The following CPED1 variants were observed in gnomAD, a reference collection of about 807,000 sequenced individuals.
CPED1 encodes cadherin-like and PC-esterase domain-containing protein 1.
CPED1 carries 114 observed loss-of-function variants against 128.2 expected under a neutral mutation model. That is an observed-to-expected ratio of 0.89 (90% CI 0.76 to 1.04). CPED1 has a LOEUF of 1.04. Among genes scored for constraint, CPED1 ranks in the 50% least tolerant of loss-of-function variants. The pLI is 0.00. For synonymous variants in CPED1, 462 were observed against 426.7 expected (o/e 1.08, Z -1.02); for missense variants, 1,211 against 1,207.1 (o/e 1.00, Z -0.05).
At chr7:121,150,193 C>A (rs922791782) in intron 16 of CPED1, among the ~76,000 whole-genome samples, 1 of 150,976 alleles carries the variant, frequency 6.6e-6, no homozygotes, top group Non-Finnish European at 1.5e-5. Flanking sequence ...AGTTTTTCAA[C>A]CCTTGCCTCC....
intron 16 of CPED1, among the ~76,000 whole-genome samples, chr7:121,201,662 G>A (rs934257769): frequency 6.6e-6 from 1 of 152,054 alleles, no homozygotes; most frequent in African/African-American, 2.4e-5. Flanking sequence ...TACCTGGTAA[G>A]CCCTCTAGGA....
intron 16 of CPED1, among the ~76,000 whole-genome samples, chr7:121,223,845 CTCTTT>C (rs779327902): frequency 2.5e-4 from 38 of 151,222 alleles, no homozygotes; most frequent in Non-Finnish European, 4.4e-4. Flanking sequence ...TGATTCTTCT[CTCTTT>C]TCTTTTTTAT....
At chr7:121,205,524 T>C (rs925091033) in intron 16 of CPED1, among the ~76,000 whole-genome samples, 8 of 152,024 alleles carry the variant, frequency 5.3e-5, no homozygotes, top group African/African-American at 1.9e-4. Context: ...TTTTGTTGTT[T>C]TTACTTATTT....
At chr7:121,099,789 T>C in intron 6 of CPED1, 137 bp from the exon 7 acceptor site, 2 of 812,846 alleles carry the variant, frequency 2.5e-6, no homozygotes, top group Non-Finnish European at 3.7e-6. Flanking sequence ...CAACTGAAAT[T>C]GTTCAAGGAA....
At chr7:121,141,916 G>A (rs989162311) in intron 15 of CPED1, 57 bp from the exon 16 acceptor site, 25 of 1,396,340 alleles carry the variant, frequency 1.8e-5, no homozygotes, top group Non-Finnish European at 2.3e-5. Context: ...GAATCAGTTT[G>A]GGCTGAATAA....
intron 2 of CPED1, among the ~76,000 whole-genome samples, chr7:120,994,625 C>CTG (rs35288728): frequency 0.015 from 2,239 of 144,640 alleles, 28 homozygotes; most frequent in Admixed American, 0.03. Context: ...ATTTGTTATA[C>CTG]TGTGTGTGTG....
At chr7:121,191,893 T>C (rs1002855882) in intron 16 of CPED1, among the ~76,000 whole-genome samples, 2 of 152,128 alleles carry the variant, frequency 1.3e-5, no homozygotes, top group Admixed American at 1.3e-4. Flanking sequence ...AATATTTCAT[T>C]TTAATCAAAG....
chr7:121,248,650 T>C (rs1314972695), intron 18 of CPED1, among the ~76,000 whole-genome samples: 1 of 148,348 alleles, frequency 6.7e-6, no homozygotes, highest in Non-Finnish European at 1.5e-5. Context: ...TACAGAGCCT[T>C]GCCCTTTGAA....
chr7:121,150,673 A>G (rs929174351), intron 16 of CPED1, among the ~76,000 whole-genome samples: 5 of 152,278 alleles, frequency 3.3e-5, no homozygotes, highest in Admixed American at 1.3e-4. Context: ...CACCAACAGC[A>G]TAAGTATTTC....
intron 5 of CPED1, among the ~76,000 whole-genome samples, chr7:121,079,522 C>T (rs994506712): frequency 8.5e-5 from 13 of 152,208 alleles, no homozygotes; most frequent in Admixed American, 8.5e-4. Flanking sequence ...CTTTCTGTGC[C>T]ATGCTTGGTT....
intron 16 of CPED1, among the ~76,000 whole-genome samples, chr7:121,234,072 A>T (rs1338816034): frequency 6.6e-6 from 1 of 152,076 alleles, no homozygotes; most frequent in Non-Finnish European, 1.5e-5. Context: ...TTTGACTAGA[A>T]CTATGTCTCC....
At chr7:121,271,872 T>C (rs1792236197) in intron 22 of CPED1, among the ~76,000 whole-genome samples, 1 of 152,130 alleles carries the variant, frequency 6.6e-6, no homozygotes, top group Non-Finnish European at 1.5e-5. Flanking sequence ...GGAAGACCTG[T>C]GTTTTGGTTA....
At chr7:121,293,718 C>G (rs1792761380) in intron 22 of CPED1, among the ~76,000 whole-genome samples, 1 of 152,036 alleles carries the variant, frequency 6.6e-6, no homozygotes, top group Non-Finnish European at 1.5e-5. Context: ...TAGCACCATC[C>G]CTCATGGCAC....
At chr7:121,195,492 G>T (rs1797251546) in intron 16 of CPED1, among the ~76,000 whole-genome samples, 1 of 152,090 alleles carries the variant, frequency 6.6e-6, no homozygotes, top group South Asian at 2.1e-4. Flanking sequence ...CAAAGGAGAA[G>T]TACATCTAAC....
intron 3 of CPED1, among the ~76,000 whole-genome samples, chr7:121,019,644 G>A (rs1248168961): frequency 2.0e-5 from 3 of 152,022 alleles, no homozygotes; most frequent in Admixed American, 1.3e-4. Flanking sequence ...TTTACAAACA[G>A]CATTTCATCT....
intron 2 of CPED1, among the ~76,000 whole-genome samples, chr7:121,005,721 TA>T (rs1791994666): frequency 6.6e-6 from 1 of 152,226 alleles, no homozygotes; most frequent in South Asian, 2.1e-4. Context: ...GGCTTTTACT[TA>T]AACTATGTTA....
At chr7:120,992,986 T>C (rs535229730) in intron 2 of CPED1, among the ~76,000 whole-genome samples, 13 of 152,196 alleles carry the variant, frequency 8.5e-5, no homozygotes, top group African/African-American at 1.4e-4. Flanking sequence ...GGAAGTACTC[T>C]CCCTCTTTCT....
intron 22 of CPED1, among the ~76,000 whole-genome samples, chr7:121,273,186 T>A (rs1792266356): frequency 6.6e-6 from 1 of 152,060 alleles, no homozygotes; most frequent in African/African-American, 2.4e-5. Flanking sequence ...CAACTAAAGT[T>A]TCCTTCTGAT....
intron 3 of CPED1, among the ~76,000 whole-genome samples, chr7:121,021,184 G>A (rs1273351488): frequency 6.6e-6 from 1 of 151,856 alleles, no homozygotes; most frequent in African/African-American, 2.4e-5. Flanking sequence ...GTGTTCTTGG[G>A]AAATACTATT....
Sources: allele counts gnomAD v4.1 joint callset (sites outside exome capture counted in the v4.1 genomes callset), GRCh38; gene constraint gnomAD v4.1.1; transcripts MANE v1.5; gene names NCBI Gene and HGNC (gene_info 2026-07-23, HGNC 2026-07-21).